Variants in LRP1B observed in about 807,000 individuals in gnomAD.
LRP1B encodes low-density lipoprotein receptor-related protein 1B.
A neutral mutation model predicts 556.6 loss-of-function variants in LRP1B; 217 were observed. The observed-to-expected ratio is 0.39, with a 90% CI of 0.35 to 0.44. The LOEUF is 0.44. Among genes scored for constraint, LRP1B ranks in the 20% least tolerant of loss-of-function variants. The probability of loss-of-function intolerance (pLI) is 1.00; values close to 1 mark genes in which losing one functional copy is unlikely to be tolerated. For synonymous variants in LRP1B, 2,047 were observed against 1,865.8 expected, an observed-to-expected ratio of 1.10 and a Z score of -2.50; for missense variants, 5,053 against 5,620.8, an observed-to-expected ratio of 0.90 and a Z score of 3.23.
chr2:141,225,173 T>C (rs1040894370), intron 6 of LRP1B, among the ~76,000 whole-genome samples: 3 of 152,256 alleles, frequency 2.0e-5, no homozygotes, highest in Middle Eastern at 3.4e-3. Flanking sequence ...AGTTATTTTA[T>C]TTTTAGCTAG....
chr2:141,873,737 A>T (rs1698666365), intron 1 of LRP1B, among the ~76,000 whole-genome samples: 3 of 151,916 alleles, frequency 2.0e-5, no homozygotes, highest in Admixed American at 2.0e-4. Flanking sequence ...CTGAAAATTA[A>T]ATACATTTGG....
chr2:140,933,293 A>G (rs973877102), intron 20 of LRP1B, among the ~76,000 whole-genome samples: 7 of 152,120 alleles, frequency 4.6e-5, no homozygotes, highest in African/African-American at 1.7e-4. Flanking sequence ...AATACCAACT[A>G]CTTCTCAAAG....
intron 41 of LRP1B, among the ~76,000 whole-genome samples, chr2:140,638,504 G>A (rs373404294): frequency 6.6e-6 from 1 of 152,250 alleles, no homozygotes; most frequent in East Asian, 1.9e-4. Flanking sequence ...TAAACTCTCT[G>A]AGGATGGAAA....
chr2:141,557,870 C>A (rs932794755), intron 2 of LRP1B, among the ~76,000 whole-genome samples: 1 of 151,820 alleles, frequency 6.6e-6, no homozygotes, highest in African/African-American at 2.4e-5. Context: ...GGTACCATAA[C>A]CAAAACTTAG....
chr2:141,841,493 A>C (rs1048200354), intron 1 of LRP1B, among the ~76,000 whole-genome samples: 1 of 152,140 alleles, frequency 6.6e-6, no homozygotes, highest in African/African-American at 2.4e-5. Context: ...AGTTTACTGG[A>C]TCTGAATAAA....
chr2:140,613,655 A>C (rs1046808964), intron 41 of LRP1B, among the ~76,000 whole-genome samples: 1 of 151,520 alleles, frequency 6.6e-6, no homozygotes, highest in African/African-American at 2.4e-5. Context: ...TCTCAGACAA[A>C]GGACTTAATC....
At chr2:141,125,165 T>C (rs1481720839) in intron 7 of LRP1B, among the ~76,000 whole-genome samples, 1 of 152,212 alleles carries the variant, frequency 6.6e-6, no homozygotes, top group Non-Finnish European at 1.5e-5. Context: ...GACAAGTATC[T>C]TCTTTGGAAA....
At chr2:141,114,878 C>CAA (rs371033826) in intron 7 of LRP1B, among the ~76,000 whole-genome samples, 46 of 149,840 alleles carry the variant, frequency 3.1e-4, no homozygotes, top group African/African-American at 6.1e-4. Context: ...CATACTAATG[C>CAA]AAAAAAAAAA....
chr2:141,420,949 C>T (rs1323652417), intron 3 of LRP1B, among the ~76,000 whole-genome samples: 1 of 152,140 alleles, frequency 6.6e-6, no homozygotes, highest in Non-Finnish European at 1.5e-5. Flanking sequence ...GAGTGTTCTA[C>T]CCTGATGTTG....
intron 3 of LRP1B, among the ~76,000 whole-genome samples, chr2:141,353,466 A>G (rs1573846742): frequency 6.6e-6 from 1 of 151,996 alleles, no homozygotes; most frequent in East Asian, 1.9e-4. Flanking sequence ...CAAACTCCAT[A>G]TTTCATTAAG....
In LRP1B at chr2:140,487,683, C is replaced by T. The variant is rs1373654700; in HGVS notation, c.9177G>A (p.Trp3059Ter). ...TGCCATTGGGTCGGCTAGAATCGATCCAATAGATGAATTCTTCTCTGTAAT... is the reference window on the plus strand; with the variant it reads ...TGCCATTGGGTCGGCTAGAATCGATTCAATAGATGAATTCTTCTCTGTAAT... ...DFDYREEFIY[W>*]IDSSRPNGSR... Residue 3059 changes from tryptophan to a stop codon, truncating the protein, a stop_gained, in exon 58 of 91, where the codon TGG becomes TGA. Coordinates refer to ENST00000389484, the MANE Select transcript of LRP1B (RefSeq NM_018557.3). LOFTEE classifies it high-confidence loss of function. 1 of 1,596,852 alleles carries T rather than the reference C, an allele frequency of 6.3e-7. No homozygotes were observed. Among genetic ancestry groups the T allele is most frequent in the Non-Finnish European group, 8.6e-7 (1 of 1,167,202 alleles).
intron 41 of LRP1B, among the ~76,000 whole-genome samples, chr2:140,623,375 T>C (rs1241199385): frequency 6.6e-6 from 1 of 152,140 alleles, no homozygotes; most frequent in Non-Finnish European, 1.5e-5. Flanking sequence ...AGAAAAACAG[T>C]AAATGCATTT....
At chr2:141,281,732 G>C (rs1685515632) in intron 3 of LRP1B, among the ~76,000 whole-genome samples, 1 of 151,884 alleles carries the variant, frequency 6.6e-6, no homozygotes, top group Non-Finnish European at 1.5e-5. Context: ...AACAAACTGA[G>C]AGGTACAAAA....
intron 24 of LRP1B, among the ~76,000 whole-genome samples, chr2:140,885,547 C>A (rs1693609369): frequency 6.6e-6 from 1 of 151,762 alleles, no homozygotes; most frequent in South Asian, 2.1e-4. Flanking sequence ...GATGGGGTTT[C>A]ATCATATGGG....
chr2:141,289,881 A>C (rs1212937404), intron 3 of LRP1B, among the ~76,000 whole-genome samples: 1 of 152,168 alleles, frequency 6.6e-6, no homozygotes, highest in African/African-American at 2.4e-5. Flanking sequence ...TATATGTGTT[A>C]CTGCTAGTGA....
intron 49 of LRP1B, among the ~76,000 whole-genome samples, chr2:140,525,107 A>C (rs2104964400): frequency 6.6e-6 from 1 of 152,034 alleles, no homozygotes; most frequent in South Asian, 2.1e-4. Context: ...TTTAAAAATT[A>C]TTATATATCA....
chr2:141,292,662 T>C (rs1219887001), intron 3 of LRP1B, among the ~76,000 whole-genome samples: 2 of 152,130 alleles, frequency 1.3e-5, no homozygotes, highest in Non-Finnish European at 2.9e-5. Flanking sequence ...CGATAACCTA[T>C]AATGTAAAAA....
At chr2:141,869,908 A>T (rs1698528177) in intron 1 of LRP1B, among the ~76,000 whole-genome samples, 1 of 152,110 alleles carries the variant, frequency 6.6e-6, no homozygotes, top group Admixed American at 6.6e-5. Context: ...AAGAAAGTTT[A>T]AATAAATTTT....
chr2:141,902,586 T>C (rs1365950028), intron 1 of LRP1B, among the ~76,000 whole-genome samples: 1 of 152,012 alleles, frequency 6.6e-6, no homozygotes, highest in Admixed American at 6.6e-5. Context: ...TCTGTGCCAG[T>C]ATTGCTTGCT....
Sources: allele counts gnomAD v4.1 joint callset (sites outside exome capture counted in the v4.1 genomes callset), GRCh38; gene constraint gnomAD v4.1.1; transcripts MANE v1.5; gene names NCBI Gene and HGNC (gene_info 2026-07-23, HGNC 2026-07-21).